The following THSD7A variants were observed in gnomAD, a reference collection of about 807,000 sequenced individuals.
THSD7A encodes the protein thrombospondin type 1 domain containing 7A, also known as thrombospondin type-1 domain-containing protein 7A.
A neutral mutation model predicts 231.3 loss-of-function variants in THSD7A; 96 were observed. That is an observed-to-expected ratio of 0.41 (90% CI 0.35 to 0.49). THSD7A has a LOEUF of 0.49. Among genes scored for constraint, THSD7A ranks in the 20% least tolerant of loss-of-function variants. The pLI is 0.05. For synonymous variants in THSD7A, 940 were observed against 743.3 expected, an observed-to-expected ratio of 1.26 and a Z score of -4.30; for missense variants, 2,290 against 2,070.2, an observed-to-expected ratio of 1.11 and a Z score of -2.06.
chr7:11,670,736 C>G (rs957802149), intron 1 of THSD7A, among the ~76,000 whole-genome samples: 3 of 152,140 alleles, frequency 2.0e-5, no homozygotes, highest in Non-Finnish European at 4.4e-5. Context: ...TTCAAAGTCT[C>G]TATTATAAAT....
chr7:11,799,658 T>C lies in THSD7A; in HGVS notation c.190+32099A>G, dbSNP rs79984503. ...TAAAGCAGTCAACTGTATTGTTTATTGACAGCAAAAGAAATAAGCATATTT... is the reference window on the plus strand; with the variant it reads ...TAAAGCAGTCAACTGTATTGTTTATCGACAGCAAAAGAAATAAGCATATTT... On this transcript the variant is annotated intron_variant, in intron 1 of 27. Transcript: ENST00000423059. Among the ~76,000 whole-genome samples, 47 of 152,342 alleles carry C rather than the reference T, an allele frequency of 3.1e-4. 1 individual carries two copies. In the East Asian group the frequency reaches 6.9e-3, roughly 22 times the overall value.
chr7:11,597,689 G>A lies in THSD7A; in HGVS notation c.1023-4187C>T, dbSNP rs145570564. Among the ~76,000 whole-genome samples, 432 of 152,262 alleles carry A rather than the reference G, an allele frequency of 2.8e-3. 1 individual carries two copies. The highest frequency in any genetic ancestry group is 6.9e-3 in the Admixed American group (105 of 15,300). ...GTGGAAATTGAACGTTTGATTATAC[G>A]TCATCAAGTCTCCATGTGACCTGAA... On this transcript the variant is annotated intron_variant, in intron 2 of 27. Coordinates refer to ENST00000423059, the MANE Select transcript of THSD7A (RefSeq NM_015204.3).
rs576056970 is a variant in THSD7A, at chr7:11,499,493, T to C, written c.1823-17511A>G. On this transcript the variant is annotated intron_variant, in intron 6 of 27. Transcript: ENST00000423059. ...ACTCAACTGGCTGAAATGACAGAAA[T>C]AGAATTCATAATACGGATAGGAACA... Among the ~76,000 whole-genome samples the C allele has an allele frequency of 3.0e-4, 45 of 152,136 alleles. No homozygotes were observed. The South Asian group carries it at 8.5e-3, about 29-fold the overall frequency.
At chr7:11,378,282 G>T (rs1247989829) in intron 26 of THSD7A, 1 of 152,102 alleles carries the variant, frequency 6.6e-6, no homozygotes, top group Non-Finnish European at 1.5e-5. Context: ...CAGGTTGTGA[G>T]AAAAAGTGGC....
chr7:11,535,965 A>G (rs1352999859), intron 6 of THSD7A, among the ~76,000 whole-genome samples: 2 of 152,176 alleles, frequency 1.3e-5, no homozygotes, highest in Non-Finnish European at 2.9e-5. Context: ...TAAATGATAA[A>G]ATATGGCACA....
In THSD7A at chr7:11,474,495, G is replaced by C; in HGVS notation, c.2091C>G (p.Tyr697Ter). The C allele has an allele frequency of 1.2e-6, 2 of 1,613,538 alleles. No homozygotes were observed. The highest frequency in any genetic ancestry group is 1.7e-6 in the Non-Finnish European group (2 of 1,179,606). The change falls in exon 8 of 28, where the codon TAC becomes TAG. Residue 697 changes from tyrosine to a stop codon, truncating the protein, a stop_gained. Transcript: ENST00000423059. LOFTEE classifies it high-confidence loss of function. The surrounding 1 kb of genome is among the most constrained non-coding windows in gnomAD (Gnocchi z 4.1). The stretch of plus-strand genomic sequence containing the variant: ...GGCCCCAGGGACCAGTTTGCCAGTG[G>C]TACACTGTGCAAGGATGCTCATTAC... ...RSCNEHPCTVYHWQTGPWGQC... is the reference protein window; with the variant it reads ...RSCNEHPCTV
chr7:11,668,723 A>T (rs944120936), intron 1 of THSD7A, among the ~76,000 whole-genome samples: 1 of 152,216 alleles, frequency 6.6e-6, no homozygotes, highest in Admixed American at 6.5e-5. Context: ...GTCCTAAAAC[A>T]GAAGTATGAA....
At chr7:11,520,806 G>C (rs1374536045) in intron 6 of THSD7A, among the ~76,000 whole-genome samples, 1 of 152,180 alleles carries the variant, frequency 6.6e-6, no homozygotes, top group African/African-American at 2.4e-5. Flanking sequence ...CTCAACCACA[G>C]AAGCCTTCTT....
rs190708091 is a variant in THSD7A, at chr7:11,397,375, C to T, written c.4411+4420G>A. 1.5e-3 allele frequency among the ~76,000 whole-genome samples: 233 copies of T among 152,128 alleles called. 1 individual carries two copies. Among genetic ancestry groups the T allele is most frequent in the Middle Eastern group, 6.8e-3 (2 of 294 alleles). On this transcript the variant is annotated intron_variant, in intron 23 of 27. Coordinates refer to ENST00000423059, the MANE Select transcript of THSD7A (RefSeq NM_015204.3). ...CTAGCCATATGCAGAAAACTGAAAC[C>T]GGACCCCTTCCTTACACCTTATACA...
At chr7:11,766,143 T>C (rs938540296) in intron 1 of THSD7A, among the ~76,000 whole-genome samples, 1 of 152,194 alleles carries the variant, frequency 6.6e-6, no homozygotes, top group East Asian at 1.9e-4. Context: ...TCTCTCATTA[T>C]TATTGCCTGG....
chr7:11,399,765 G>A (rs908162705), intron 23 of THSD7A, among the ~76,000 whole-genome samples: 1 of 152,164 alleles, frequency 6.6e-6, no homozygotes, highest in Non-Finnish European at 1.5e-5. Context: ...ATTCCTCAAG[G>A]ATCTGGAACT....
At chr7:11,488,403 A>G (rs1786751507) in intron 6 of THSD7A, among the ~76,000 whole-genome samples, 3 of 152,104 alleles carry the variant, frequency 2.0e-5, no homozygotes, top group Admixed American at 1.3e-4. Context: ...TGAACTCTCT[A>G]ACAACCATAA....
rs1275150268 is a variant in THSD7A, at chr7:11,632,426, G to T, written c.1022+3704C>A. On this transcript the variant is annotated intron_variant, in intron 2 of 27. Coordinates refer to ENST00000423059, the MANE Select transcript of THSD7A (RefSeq NM_015204.3). This position sits in a 1 kb window ranked among gnomAD's most constrained non-coding sequence, Gnocchi z 4.1. ...CATCTAGGGAATATATTGATTTTTG[G>T]ATATTATATTTGTGTACATCAACCT... 1.3e-5 allele frequency among the ~76,000 whole-genome samples: 2 copies of T among 151,894 alleles called. No homozygotes were observed. Among genetic ancestry groups the T allele is most frequent in the Non-Finnish European group, 2.9e-5 (2 of 67,960 alleles).
At chr7:11,384,660 C>T (rs76902915) in intron 23 of THSD7A, 12 of 151,974 alleles carry the variant, frequency 7.9e-5, no homozygotes, top group South Asian at 2.1e-4. Context: ...AAGAATTTGT[C>T]GTGGAGATTC....
At chr7:11,484,077 C>T (rs1003638545) in intron 6 of THSD7A, among the ~76,000 whole-genome samples, 2 of 150,950 alleles carry the variant, frequency 1.3e-5, no homozygotes, top group African/African-American at 4.9e-5. Flanking sequence ...TCATCTTGTT[C>T]TGCTTGGCCA....
In THSD7A at chr7:11,460,679, G is replaced by A. The variant is rs765115091; in HGVS notation, c.2588C>T (p.Pro863Leu). Residue 863 changes from proline to leucine, a missense_variant, in exon 11 of 28, where the codon CCT becomes CTT. Transcript: ENST00000423059. The stretch of plus-strand genomic sequence containing the variant: ...CCTCCCACCTCTTGCCTGTCGCCCA[G>A]GCCCACAGCCTTCCTGTGCTCCAGG... ...DSPGAQEGCG[P>L]GRQARAITCR... is the part of the protein sequence containing the mutation. 3.1e-6 allele frequency: 5 copies of A among 1,610,860 alleles called. No homozygotes were observed. Among genetic ancestry groups the A allele is most frequent in the Non-Finnish European group, 4.2e-6 (5 of 1,178,636 alleles).
intron 1 of THSD7A, among the ~76,000 whole-genome samples, chr7:11,816,474 C>A (rs1271114831): frequency 2.6e-5 from 4 of 152,104 alleles, no homozygotes; most frequent in African/African-American, 9.7e-5. Flanking sequence ...GATATGCTGG[C>A]AGGTAGATGC....
At chr7:11,479,526 A>C (rs1333809529) in intron 7 of THSD7A, among the ~76,000 whole-genome samples, 1 of 152,208 alleles carries the variant, frequency 6.6e-6, no homozygotes, top group Non-Finnish European at 1.5e-5. Flanking sequence ...TAATGGAAAG[A>C]CTGACTTTTG....
Position 11,590,482 on chromosome 7 carries a change from T to C in THSD7A, c.1431A>G (p.Leu477=), listed in dbSNP as rs1780111260. ...TACCTTCTTTGTTCTTGTGGGTACTTAATTGTGAGAGGAGGTTTTCGTTGG... is the reference window on the plus strand; with the variant it reads ...TACCTTCTTTGTTCTTGTGGGTACTCAATTGTGAGAGGAGGTTTTCGTTGG... ...VQANENLLSQ[L]STHKNKEASK... is the part of the protein sequence containing the mutation. The change falls in exon 4 of 28, where the codon TTA becomes TTG. Residue 477 remains leucine, a synonymous_variant. Coordinates refer to ENST00000423059, the MANE Select transcript of THSD7A (RefSeq NM_015204.3). The surrounding 1 kb of genome is among the most constrained non-coding windows in gnomAD (Gnocchi z 4.4). The C allele has an allele frequency of 6.2e-7, 1 of 1,612,492 alleles. No individual in the cohort carries two copies. Among genetic ancestry groups the C allele is most frequent in the Non-Finnish European group, 8.5e-7 (1 of 1,179,388 alleles).
Sources: allele counts gnomAD v4.1 joint callset (sites outside exome capture counted in the v4.1 genomes callset), GRCh38; gene constraint gnomAD v4.1.1; non-coding constraint Gnocchi (gnomAD v3.1); transcripts MANE v1.5; gene names NCBI Gene and HGNC (gene_info 2026-07-23, HGNC 2026-07-21).